Variants in DCDC1 observed in about 807,000 individuals in gnomAD.
The protein encoded by DCDC1 is doublecortin domain-containing protein 1.
A neutral mutation model predicts 178.3 loss-of-function variants in DCDC1; 200 were observed. The ratio of observed to expected loss-of-function variants is 1.12; its 90% CI spans 1.00 to 1.26. DCDC1 has a LOEUF of 1.26. Ranked by LOEUF, DCDC1 falls within the 50% of genes most tolerant of loss-of-function variation. The pLI is 0.00. For missense variants in DCDC1, 1,983 were observed against 1,749.2 expected (o/e 1.13, Z -2.38); for synonymous variants, 690 against 604.8 (o/e 1.14, Z -2.07).
intron 9 of DCDC1, among the ~76,000 whole-genome samples, chr11:31,194,479 C>T (rs975885087): frequency 1.3e-5 from 2 of 151,844 alleles, no homozygotes; most frequent in African/African-American, 4.8e-5. Flanking sequence ...AGAGAAAAAA[C>T]ATCATGTATT....
At chr11:31,040,625 C>CA (rs1231202269) in intron 20 of DCDC1, among the ~76,000 whole-genome samples, 1 of 152,056 alleles carries the variant, frequency 6.6e-6, no homozygotes, top group East Asian at 1.9e-4. Flanking sequence ...GCGTTTGCAC[C>CA]AATAAATTGC....
chr11:31,022,328 T>A (rs1207371170), intron 20 of DCDC1, among the ~76,000 whole-genome samples: 1 of 152,192 alleles, frequency 6.6e-6, no homozygotes, highest in Non-Finnish European at 1.5e-5. Context: ...ACAGATAGTA[T>A]GTTCCCTTTG....
chr11:30,951,849 C>CA (rs1370064375), intron 21 of DCDC1, among the ~76,000 whole-genome samples: 1 of 152,002 alleles, frequency 6.6e-6, no homozygotes, highest in Non-Finnish European at 1.5e-5. Flanking sequence ...AAAGCCAGGA[C>CA]AAATAGAAAG....
chr11:31,299,680 T>TA (rs1433280004), intron 6 of DCDC1, among the ~76,000 whole-genome samples: 2 of 152,178 alleles, frequency 1.3e-5, no homozygotes, highest in Admixed American at 1.3e-4. Context: ...TAAAGTCAGA[T>TA]ACGTGTGACA....
At chr11:30,959,735 C>G (rs1948984381) in intron 20 of DCDC1, among the ~76,000 whole-genome samples, 1 of 152,132 alleles carries the variant, frequency 6.6e-6, no homozygotes, top group African/African-American at 2.4e-5. Flanking sequence ...CCTCTTGGGG[C>G]AAACTTTGAC....
chr11:31,152,815 A>G (rs1050285396), intron 9 of DCDC1, among the ~76,000 whole-genome samples: 1 of 152,196 alleles, frequency 6.6e-6, no homozygotes, highest in African/African-American at 2.4e-5. Context: ...ACAATGGGGC[A>G]GGCTAATTGG....
chr11:30,923,270 A>G (rs1946370872), intron 23 of DCDC1, among the ~76,000 whole-genome samples: 1 of 152,108 alleles, frequency 6.6e-6, no homozygotes, highest in Admixed American at 6.6e-5. Flanking sequence ...AACCTACAAT[A>G]TCTACTATCT....
intron 9 of DCDC1, among the ~76,000 whole-genome samples, chr11:31,168,901 C>A (rs1966876181): frequency 2.0e-5 from 3 of 151,838 alleles, no homozygotes; most frequent in Admixed American, 2.0e-4. Flanking sequence ...GTTGATTAGA[C>A]AAAGGCAATA....
chr11:30,894,275 T>C lies in DCDC1; in HGVS notation c.4875A>G (p.Lys1625=). 1 of 1,613,804 alleles carries C rather than the reference T, an allele frequency of 6.2e-7. No individual in the cohort carries two copies. The highest frequency in any genetic ancestry group is 8.5e-7 in the Non-Finnish European group (1 of 1,179,786). The change falls in exon 35 of 39, where the codon AAA becomes AAG. Residue 1625 remains lysine (K), a synonymous_variant. Transcript: ENST00000684477. ...CTGTATGTCTTATAAGTTCCATGAG[T>C]TTAATTTCCTGTTGAGTCTGTTCGG... ...GWTEQTQQEI[K]LMELIRHTEA... is the part of the protein sequence containing the mutation.
At chr11:31,165,044 G>T (rs1170031982) in intron 9 of DCDC1, among the ~76,000 whole-genome samples, 2 of 152,098 alleles carry the variant, frequency 1.3e-5, no homozygotes, top group Non-Finnish European at 2.9e-5. Flanking sequence ...TGCTATACAG[G>T]TTTGTAGCCT....
intron 7 of DCDC1, among the ~76,000 whole-genome samples, chr11:31,273,930 T>C (rs1045271589): frequency 1.3e-5 from 2 of 152,086 alleles, no homozygotes; most frequent in Admixed American, 6.5e-5. Context: ...CTCCTCCTTA[T>C]AAAACCATCA....
At chr11:30,939,150 C>G (rs1182811761) in intron 21 of DCDC1, among the ~76,000 whole-genome samples, 1 of 152,178 alleles carries the variant, frequency 6.6e-6, no homozygotes, top group Non-Finnish European at 1.5e-5. Flanking sequence ...TATCTTGGCT[C>G]ATGCACGAGG....
At chr11:31,277,181 T>C (rs996986059) in intron 7 of DCDC1, among the ~76,000 whole-genome samples, 21 of 152,118 alleles carry the variant, frequency 1.4e-4, no homozygotes, top group African/African-American at 5.1e-4. Context: ...TTTTTTTCAC[T>C]AGAGAATAGT....
intron 1 of DCDC1, among the ~76,000 whole-genome samples, chr11:31,347,506 C>A (rs1950874292): frequency 6.6e-6 from 1 of 152,058 alleles, no homozygotes; most frequent in Non-Finnish European, 1.5e-5. Flanking sequence ...GCTCACAGAC[C>A]AAATTAACAT....
intron 18 of DCDC1, among the ~76,000 whole-genome samples, chr11:31,071,755 C>G (rs1015260238): frequency 1.3e-5 from 2 of 152,166 alleles, no homozygotes; most frequent in Non-Finnish European, 2.9e-5. Flanking sequence ...GGCACTTCAG[C>G]TTCTGTTTTG....
chr11:31,044,910 A>G (rs952179908), intron 20 of DCDC1, among the ~76,000 whole-genome samples: 3 of 152,192 alleles, frequency 2.0e-5, no homozygotes, highest in Non-Finnish European at 4.4e-5. Context: ...TATTGCTACA[A>G]TACCATGTGG....
chr11:30,940,552 G>C (rs1590449051), intron 21 of DCDC1, among the ~76,000 whole-genome samples: 1 of 152,160 alleles, frequency 6.6e-6, no homozygotes. Flanking sequence ...AATATTGGTT[G>C]TCTCAGTGAT....
Position 31,137,431 on chromosome 11 carries a change from C to T in DCDC1, c.1314+261G>A, listed in dbSNP as rs568147997. Among the ~76,000 whole-genome samples the T allele has an allele frequency of 4.6e-4, 69 of 150,784 alleles. No homozygotes were observed. The South Asian group carries it at 0.013, about 28-fold the overall frequency. Reference sequence around the variant, plus strand: ...GTCGCGCAATCTCTGCTCACTGCAACCTCTGCCTCCCGGGTTCAAGCGATT... The same window carrying T: ...GTCGCGCAATCTCTGCTCACTGCAATCTCTGCCTCCCGGGTTCAAGCGATT... On this transcript the variant is annotated intron_variant, in intron 10 of 38. Transcript: ENST00000684477.
chr11:31,138,926 G>A (rs138288280), intron 9 of DCDC1, among the ~76,000 whole-genome samples: 72 of 152,164 alleles, frequency 4.7e-4, no homozygotes, highest in African/African-American at 1.7e-3. Flanking sequence ...TTGTTAGAGA[G>A]AAAAGGCCCA....
Sources: gnomAD v4.1 joint callset for allele counts (sites outside exome capture counted in the v4.1 genomes callset) on GRCh38, gnomAD v4.1.1 for gene constraint, MANE v1.5 for transcripts, NCBI Gene and HGNC (gene_info 2026-07-23, HGNC 2026-07-21) for gene names.